The following DCAF8L2 variants were observed in gnomAD, a reference collection of about 807,000 sequenced individuals.
DCAF8L2 encodes the protein DDB1- and CUL4-associated factor 8-like protein 2.
For missense variants in DCAF8L2, 430 were observed against 490.7 expected, an observed-to-expected ratio of 0.88 and a Z score of 1.17; for synonymous variants, 200 against 190.9, an observed-to-expected ratio of 1.05 and a Z score of -0.39.
At chrX:27,575,542 C>T in the DCAF8L2 span, among the ~76,000 whole-genome samples, 7 of 111,493 alleles carry the variant, frequency 6.3e-5, no homozygotes, top group East Asian at 2.8e-4. Context: ...CCAGCACTCC[C>T]GTATCATTAC....
intron 3 of DCAF8L2, among the ~76,000 whole-genome samples, chrX:27,704,257 C>T (rs768963242): frequency 1.9e-3 from 107 of 57,432 alleles, no homozygotes; most frequent in African/African-American, 7.6e-3. Context: ...TACGTATGTA[C>T]GTATATATAC....
At chrX:27,695,788 A>C in intron 3 of DCAF8L2, among the ~76,000 whole-genome samples, 1 of 111,673 alleles carries the variant, frequency 9.0e-6, no homozygotes, top group Admixed American at 9.6e-5. Flanking sequence ...TCAGCAGTGT[A>C]CTAGGAACTA....
chrX:27,613,454 G>T (rs1433124285), intron 1 of DCAF8L2, among the ~76,000 whole-genome samples: 1 of 111,124 alleles, frequency 9.0e-6, no homozygotes, highest in African/African-American at 3.3e-5. Flanking sequence ...TCTTTCTGCT[G>T]CCTGATTGCC....
intron 1 of DCAF8L2, among the ~76,000 whole-genome samples, chrX:27,626,392 A>G (rs1328432527): frequency 8.9e-6 from 1 of 112,173 alleles, no homozygotes; most frequent in Non-Finnish European, 1.9e-5. Flanking sequence ...GTGAGCCCAA[A>G]AGAAGCAATT....
chrX:27,664,008 G>A (rs1330009249), intron 2 of DCAF8L2, among the ~76,000 whole-genome samples: 1 of 108,393 alleles, frequency 9.2e-6, no homozygotes, highest in African/African-American at 3.4e-5. Context: ...CCATGCCTGG[G>A]TGAAATTAGG....
At chrX:27,645,648 T>G (rs1569170370) in intron 2 of DCAF8L2, among the ~76,000 whole-genome samples, 1 of 111,864 alleles carries the variant, frequency 8.9e-6, no homozygotes. Context: ...GCAGATGACA[T>G]GATCCTATAT....
the DCAF8L2 span, among the ~76,000 whole-genome samples, chrX:27,584,617 G>A: frequency 9.0e-6 from 1 of 111,062 alleles, no homozygotes; most frequent in Admixed American, 9.7e-5. Context: ...AGAATTTTGA[G>A]TTTTATATAA....
chrX:27,470,020 G>A, the DCAF8L2 span, among the ~76,000 whole-genome samples: 2 of 111,145 alleles, frequency 1.8e-5, no homozygotes, highest in Admixed American at 9.6e-5. Flanking sequence ...CGCCCGCCTC[G>A]GCTTCCCAAA....
intron 4 of DCAF8L2, among the ~76,000 whole-genome samples, chrX:27,728,486 G>A (rs1381985302): frequency 9.0e-6 from 1 of 111,019 alleles, no homozygotes. Context: ...TCCTATTTAA[G>A]GGAAAGCCTT....
the DCAF8L2 span, among the ~76,000 whole-genome samples, chrX:27,533,164 G>GAGAAAGAAAGAAAGAAAGAAAGAAAGAA: frequency 1.2e-4 from 2 of 17,351 alleles, no homozygotes; most frequent in Non-Finnish European, 2.7e-4. Flanking sequence ...GAGAGAGAGA[G>GAGAAAGAAAGAAAGAAAGAAAGAAAGAA]AGAAAGAAAG....
the DCAF8L2 span, among the ~76,000 whole-genome samples, chrX:27,585,105 G>C: frequency 2.7e-5 from 3 of 109,758 alleles, no homozygotes; most frequent in Non-Finnish European, 5.7e-5. Flanking sequence ...AAGAGCATTT[G>C]GCAAACCCTG....
the DCAF8L2 span, among the ~76,000 whole-genome samples, chrX:27,568,928 C>G: frequency 1.0e-5 from 1 of 98,253 alleles, no homozygotes; most frequent in Non-Finnish European, 2.0e-5. Context: ...TCATAGCTCC[C>G]CAAGCCTTTG....
intron 3 of DCAF8L2, among the ~76,000 whole-genome samples, chrX:27,714,173 A>G (rs911558661): frequency 9.0e-6 from 1 of 111,724 alleles, no homozygotes; most frequent in Non-Finnish European, 1.9e-5. Context: ...TGCTCTGCTT[A>G]CAGTAACAGA....
intron 2 of DCAF8L2, among the ~76,000 whole-genome samples, chrX:27,672,146 CAG>C (rs969303673): frequency 9.0e-6 from 1 of 111,612 alleles, no homozygotes; most frequent in African/African-American, 3.3e-5. Context: ...CCATATCAAA[CAG>C]TGTTTGCTTC....
chrX:27,506,583 A>G, the DCAF8L2 span, among the ~76,000 whole-genome samples: 1 of 111,027 alleles, frequency 9.0e-6, no homozygotes, highest in Non-Finnish European at 1.9e-5. Flanking sequence ...TCTTCACTGT[A>G]GCAGCATAAC....
the DCAF8L2 span, among the ~76,000 whole-genome samples, chrX:27,554,433 C>G: frequency 8.9e-6 from 1 of 112,217 alleles, no homozygotes; most frequent in Admixed American, 9.5e-5. Context: ...GACTCATTTA[C>G]TAAGTGACAA....
intron 3 of DCAF8L2, among the ~76,000 whole-genome samples, chrX:27,691,482 A>G (rs1012172469): frequency 3.6e-5 from 4 of 111,488 alleles, no homozygotes; most frequent in African/African-American, 1.3e-4. Flanking sequence ...TATTTGATGG[A>G]AAGATGTGGT....
At chrX:27,558,449 C>T in the DCAF8L2 span, among the ~76,000 whole-genome samples, 2 of 111,005 alleles carry the variant, frequency 1.8e-5, no homozygotes, top group African/African-American at 3.3e-5. Flanking sequence ...ATAACAGCCT[C>T]CAGTGGTCAT....
intron 2 of DCAF8L2, among the ~76,000 whole-genome samples, chrX:27,669,904 T>C (rs912190503): frequency 2.2e-4 from 25 of 111,736 alleles, no homozygotes; most frequent in African/African-American, 7.8e-4. Context: ...TCCAAGTCTT[T>C]GCCATTGTGA....
Sources: allele counts gnomAD v4.1 joint callset (sites outside exome capture counted in the v4.1 genomes callset), GRCh38; gene constraint gnomAD v4.1.1; transcripts MANE v1.5; gene names NCBI Gene and HGNC (gene_info 2026-07-23, HGNC 2026-07-21).